The following FGD4 variants were observed in gnomAD, a reference collection of about 807,000 sequenced individuals.
The protein encoded by FGD4 is FYVE, RhoGEF and PH domain containing 4.
In FGD4, 42 loss-of-function variants were observed where a neutral mutation model predicts 102.0. That is an observed-to-expected ratio of 0.41 (90% CI 0.32 to 0.53). The LOEUF is 0.53. FGD4 is among the 20% of genes least tolerant of loss of function. The pLI is 0.21. For synonymous variants in FGD4, 380 were observed against 375.7 expected (o/e 1.01, Z -0.13); for missense variants, 902 against 1,078.2 (o/e 0.84, Z 2.29).
chr12:32,538,258 C>T (rs1301239708), intron 1 of FGD4, among the ~76,000 whole-genome samples: 2 of 152,250 alleles, frequency 1.3e-5, no homozygotes, highest in South Asian at 4.1e-4. Flanking sequence ...GTGGTGTTCA[C>T]TGCTATGTTC....
chr12:32,483,926 T>A (rs1943825915), intron 1 of FGD4, among the ~76,000 whole-genome samples: 2 of 152,170 alleles, frequency 1.3e-5, no homozygotes, highest in African/African-American at 4.8e-5. Context: ...GATCAGCTTT[T>A]AAAGTTTATG....
intron 1 of FGD4, among the ~76,000 whole-genome samples, chr12:32,540,182 C>G (rs1942691268): frequency 6.6e-6 from 1 of 152,106 alleles, no homozygotes; most frequent in African/African-American, 2.4e-5. Context: ...TGTGTAATAC[C>G]TCTATGTTCA....
chr12:32,497,862 G>C (rs1937918223), intron 1 of FGD4, among the ~76,000 whole-genome samples: 1 of 152,160 alleles, frequency 6.6e-6, no homozygotes, highest in Admixed American at 6.5e-5. Context: ...TTAATATGCT[G>C]TTTCCTTCTG....
intron 1 of FGD4, among the ~76,000 whole-genome samples, chr12:32,432,064 T>TC (rs1222317538): frequency 6.9e-6 from 1 of 143,958 alleles, no homozygotes; most frequent in African/African-American, 2.6e-5. Context: ...TTTTTTTTTT[T>TC]TTTTTTTTTT....
At chr12:32,535,865 C>T (rs537779972) in intron 1 of FGD4, among the ~76,000 whole-genome samples, 7 of 152,260 alleles carry the variant, frequency 4.6e-5, no homozygotes, top group African/African-American at 1.7e-4. Context: ...TGTTGATAAA[C>T]ATAGAGAACT....
At chr12:32,406,005 G>A (rs554882270) in intron 1 of FGD4, among the ~76,000 whole-genome samples, 65 of 151,938 alleles carry the variant, frequency 4.3e-4, no homozygotes, top group African/African-American at 1.5e-3. Context: ...GTGTAATGGC[G>A]CGATCTTGAC....
chr12:32,456,229 G>T (rs994816475), intron 1 of FGD4, among the ~76,000 whole-genome samples: 1 of 152,084 alleles, frequency 6.6e-6, no homozygotes, highest in Non-Finnish European at 1.5e-5. Flanking sequence ...GATACCTTGT[G>T]CCCATTTTTT....
Position 32,422,288 on chromosome 12 carries a change from C to CTTTTTTTTTTTTTTTTT in FGD4, c.166+22341_166+22357dup, listed in dbSNP as rs770560590. ...TTGAAGCATCTCAAATTGGGAGCTG[C>CTTTTTTTTTTTTTTTTT]TTTTTTTTTTTTTTTTTTTTTTTTT... On this transcript the variant is annotated intron_variant, in intron 1 of 16. Coordinates refer to ENST00000534526, the MANE Select transcript of FGD4 (RefSeq NM_001370298.3). Among the ~76,000 whole-genome samples the CTTTTTTTTTTTTTTTTT allele has an allele frequency of 7.4e-4, 40 of 54,172 alleles. 6 individuals carry two copies. The highest frequency in any genetic ancestry group is 1.6e-3 in the South Asian group (2 of 1,278). The allele number at this position is 54,172 out of a possible 152,430, so 35.5% of individuals were successfully genotyped here. A position where few individuals can be genotyped will look rare whatever the true frequency, so the allele number is the denominator to read the frequency against.
At chr12:32,636,617 T>C (rs112811657) in intron 15 of FGD4, among the ~76,000 whole-genome samples, 3 of 152,096 alleles carry the variant, frequency 2.0e-5, no homozygotes, top group Non-Finnish European at 4.4e-5. Context: ...TAAAATACAC[T>C]GTAATGCACT....
At chr12:32,490,769 C>T (rs1944060573) in intron 1 of FGD4, among the ~76,000 whole-genome samples, 1 of 152,152 alleles carries the variant, frequency 6.6e-6, no homozygotes. Context: ...AAGGAAATGG[C>T]TTCACATTGC....
chr12:32,488,598 A>G (rs1044157422), intron 1 of FGD4, among the ~76,000 whole-genome samples: 1 of 151,840 alleles, frequency 6.6e-6, no homozygotes, highest in African/African-American at 2.4e-5. Flanking sequence ...TTTTTTGTTT[A>G]AAAATACATT....
chr12:32,475,632 C>A (rs946921107), intron 1 of FGD4, among the ~76,000 whole-genome samples: 1 of 152,124 alleles, frequency 6.6e-6, no homozygotes, highest in Non-Finnish European at 1.5e-5. Context: ...TGTGATGATC[C>A]AGCCCAGAAA....
intron 1 of FGD4, among the ~76,000 whole-genome samples, chr12:32,421,455 C>T (rs1385579156): frequency 6.6e-6 from 1 of 152,118 alleles, no homozygotes; most frequent in African/African-American, 2.4e-5. Flanking sequence ...GGCCTTATTT[C>T]AAGAGCATGC....
At chr12:32,474,088 A>C (rs77184102) in intron 1 of FGD4, among the ~76,000 whole-genome samples, 13 of 117,380 alleles carry the variant, frequency 1.1e-4, no homozygotes, top group East Asian at 2.5e-4. Flanking sequence ...ACTCTGTCTC[A>C]AAAAAAAAAA....
intron 10 of FGD4, among the ~76,000 whole-genome samples, chr12:32,615,032 A>G (rs577533255): frequency 1.4e-4 from 21 of 152,376 alleles, no homozygotes; most frequent in African/African-American, 5.0e-4. Flanking sequence ...ATCTTTGTCC[A>G]TAACAGCATT....
intron 1 of FGD4, among the ~76,000 whole-genome samples, chr12:32,405,353 G>A (rs1262745526): frequency 6.9e-6 from 1 of 145,732 alleles, no homozygotes; most frequent in African/African-American, 2.6e-5. Context: ...TCCGCCTCCC[G>A]GGTTCAAGCA....
rs749655974 is a variant in FGD4 at position 32,485,607 on chromosome 12, A to AT, written c.167-78520dup. On this transcript the variant is annotated intron_variant, in intron 1 of 16. Transcript: ENST00000534526. ...AGGCGCCTGCCACCACGCCTGGCTA[A>AT]TTTTTTTTTTGTATTTTCAGTAGAG... Among the ~76,000 whole-genome samples, 350 of 147,816 alleles carry AT rather than the reference A, an allele frequency of 2.4e-3. 3 individuals carry two copies. Among genetic ancestry groups the AT allele is most frequent in the East Asian group, 0.015 (75 of 5,034 alleles).
At chr12:32,431,189 A>G (rs556346988) in intron 1 of FGD4, among the ~76,000 whole-genome samples, 64 of 152,320 alleles carry the variant, frequency 4.2e-4, no homozygotes, top group African/African-American at 1.5e-3. Flanking sequence ...ATATAATGTC[A>G]TGAATCCTCT....
At chr12:32,435,442 A>T (rs1304934979) in intron 1 of FGD4, among the ~76,000 whole-genome samples, 1 of 152,118 alleles carries the variant, frequency 6.6e-6, no homozygotes, top group Non-Finnish European at 1.5e-5. Flanking sequence ...AGTAATGCTC[A>T]TAAAATGATA....
Sources: allele counts gnomAD v4.1 joint callset (sites outside exome capture counted in the v4.1 genomes callset), GRCh38; gene constraint gnomAD v4.1.1; transcripts MANE v1.5; gene names NCBI Gene and HGNC (gene_info 2026-07-23, HGNC 2026-07-21).